The following TTC28 variants were observed in gnomAD, a reference collection of about 807,000 sequenced individuals.
TTC28 encodes the protein tetratricopeptide repeat protein 28.
In TTC28, 61 loss-of-function variants were observed where a neutral mutation model predicts 198.0. The observed-to-expected ratio is 0.31, with a 90% CI of 0.25 to 0.38. The LOEUF is 0.38. Among genes scored for constraint, TTC28 ranks in the 10% least tolerant of loss-of-function variants. The probability of loss-of-function intolerance (pLI) is 1.00; values close to 1 mark genes in which losing one functional copy is unlikely to be tolerated. For missense variants in TTC28, 2,678 were observed against 3,164.0 expected (o/e 0.85, Z 3.69); for synonymous variants, 1,171 against 1,297.8 (o/e 0.90, Z 2.10).
chr22:28,533,544 A>G (rs1412368330), intron 2 of TTC28, among the ~76,000 whole-genome samples: 2 of 150,900 alleles, frequency 1.3e-5, no homozygotes, highest in Non-Finnish European at 3.0e-5. Context: ...TCTTCACAGA[A>G]TTGGAAAAAA....
intron 5 of TTC28, among the ~76,000 whole-genome samples, chr22:28,207,712 G>T (rs1283657373): frequency 2.0e-5 from 3 of 152,152 alleles, no homozygotes; most frequent in Admixed American, 6.5e-5. Flanking sequence ...ATGATCCAGG[G>T]ACACGTGGGA....
intron 6 of TTC28, among the ~76,000 whole-genome samples, chr22:28,143,983 GAA>G (rs1293092650): frequency 6.6e-6 from 1 of 152,114 alleles, no homozygotes; most frequent in Non-Finnish European, 1.5e-5. Context: ...GAGAAGGAGG[GAA>G]AGAGAGTAGA....
chr22:28,312,176 A>G (rs1218254456), intron 2 of TTC28, among the ~76,000 whole-genome samples: 2 of 152,220 alleles, frequency 1.3e-5, no homozygotes, highest in Non-Finnish European at 2.9e-5. Flanking sequence ...TATCCTAAAT[A>G]TATATGCAAC....
At chr22:28,535,358 T>C (rs1192855445) in intron 2 of TTC28, among the ~76,000 whole-genome samples, 2 of 152,184 alleles carry the variant, frequency 1.3e-5, no homozygotes, top group Admixed American at 6.5e-5. Flanking sequence ...GTCCCTGTTG[T>C]TACTTCCTCC....
intron 19 of TTC28, among the ~76,000 whole-genome samples, chr22:27,992,063 A>G (rs1473536061): frequency 2.6e-5 from 4 of 152,122 alleles, no homozygotes; most frequent in Non-Finnish European, 4.4e-5. Flanking sequence ...ACACTCGTCA[A>G]TCAGCTGAAA....
At chr22:28,559,591 C>T (rs1384092741) in intron 2 of TTC28, among the ~76,000 whole-genome samples, 2 of 152,212 alleles carry the variant, frequency 1.3e-5, no homozygotes, top group Non-Finnish European at 2.9e-5. Context: ...TCCCCACCTA[C>T]AGTCTTGCCT....
intron 13 of TTC28, chr22:28,028,753 C>T (rs1047477350): frequency 4.0e-5 from 12 of 300,854 alleles, no homozygotes; most frequent in Admixed American, 8.7e-5. Context: ...TCCCACTTTA[C>T]TCCAAACAAC....
intron 2 of TTC28, among the ~76,000 whole-genome samples, chr22:28,592,559 G>C (rs963713378): frequency 6.6e-6 from 1 of 151,988 alleles, no homozygotes. Context: ...TATATGATTG[G>C]TTACGTCACA....
At chr22:28,244,454 C>G (rs1241969421) in intron 5 of TTC28, among the ~76,000 whole-genome samples, 1 of 152,048 alleles carries the variant, frequency 6.6e-6, no homozygotes, top group East Asian at 1.9e-4. Context: ...GAAGGTAGGC[C>G]AAGGATGATT....
chr22:28,617,004 T>C (rs1207371250), intron 2 of TTC28, among the ~76,000 whole-genome samples: 2 of 152,236 alleles, frequency 1.3e-5, no homozygotes, highest in African/African-American at 2.4e-5. Flanking sequence ...TTATACCATA[T>C]GAAAATTCAC....
Position 28,296,260 on chromosome 22 carries a change from G to T in TTC28, c.871C>A (p.Arg291=). Residue 291 remains arginine, a synonymous_variant, in exon 5 of 23, where the codon CGG becomes AGG. Transcript: ENST00000397906. ...GSAFFSKGNY[R]EALTNHRHQL... Reference sequence around the variant, plus strand: ...TGCCTGTGGTTAGTGAGAGCCTCCCGGTAATTTCCTTTGGAGAAGAATGCA... The same window carrying T: ...TGCCTGTGGTTAGTGAGAGCCTCCCTGTAATTTCCTTTGGAGAAGAATGCA... 6.4e-7 allele frequency: 1 copy of T among 1,550,652 alleles called. No individual in the cohort carries two copies. Among genetic ancestry groups the T allele is most frequent in the South Asian group, 1.2e-5 (1 of 83,954 alleles).
intron 2 of TTC28, among the ~76,000 whole-genome samples, chr22:28,357,250 G>A (rs1020723219): frequency 1.3e-5 from 2 of 151,414 alleles, no homozygotes; most frequent in African/African-American, 4.9e-5. Flanking sequence ...CCAGTATAGT[G>A]ACCATTTCTC....
intron 5 of TTC28, among the ~76,000 whole-genome samples, chr22:28,211,582 C>G (rs1049470579): frequency 2.6e-5 from 4 of 152,134 alleles, no homozygotes; most frequent in African/African-American, 9.7e-5. Flanking sequence ...GAAGACCTAA[C>G]TATCCTAAAT....
chr22:28,460,035 T>C (rs916954487), intron 2 of TTC28: 1 of 152,194 alleles, frequency 6.6e-6, no homozygotes, highest in East Asian at 1.9e-4. Flanking sequence ...ATTTTACGTG[T>C]ATTTTACCAC....
chr22:28,120,567 A>T (rs1942758214), intron 6 of TTC28, among the ~76,000 whole-genome samples: 1 of 152,140 alleles, frequency 6.6e-6, no homozygotes, highest in South Asian at 2.1e-4. Flanking sequence ...ACAGAATTCA[A>T]CTGTGCAACC....
chr22:28,451,052 G>A (rs2047771505), intron 2 of TTC28, among the ~76,000 whole-genome samples: 1 of 152,164 alleles, frequency 6.6e-6, no homozygotes, highest in African/African-American at 2.4e-5. Context: ...ATTGGAGCGG[G>A]CTACGCAGAC....
intron 2 of TTC28, among the ~76,000 whole-genome samples, chr22:28,307,279 A>G (rs1281293302): frequency 6.6e-6 from 1 of 152,218 alleles, no homozygotes; most frequent in East Asian, 1.9e-4. Flanking sequence ...TAGTATTATC[A>G]ATTGTGATTA....
At chr22:28,123,753 C>A (rs549606998) in intron 6 of TTC28, among the ~76,000 whole-genome samples, 2 of 151,716 alleles carry the variant, frequency 1.3e-5, no homozygotes, top group Admixed American at 1.3e-4. Context: ...GAGGCCGAGG[C>A]GGGTGGATTG....
chr22:28,390,369 C>T (rs1246883228), intron 2 of TTC28, among the ~76,000 whole-genome samples: 1 of 152,126 alleles, frequency 6.6e-6, no homozygotes, highest in Non-Finnish European at 1.5e-5. Context: ...CCACTTGGTG[C>T]AGAGCTGAGT....
Sources: gnomAD v4.1 joint callset for allele counts (sites outside exome capture counted in the v4.1 genomes callset) on GRCh38, gnomAD v4.1.1 for gene constraint, MANE v1.5 for transcripts, NCBI Gene and HGNC (gene_info 2026-07-23, HGNC 2026-07-21) for gene names.